PCDHGB7: variants seen among roughly 807,000 people sequenced by gnomAD.
PCDHGB7 encodes protocadherin gamma subfamily B, 7, also known as protocadherin gamma-B7.
PCDHGB7 carries 37 observed loss-of-function variants against 61.4 expected under a neutral mutation model. That is an observed-to-expected ratio of 0.60 (90% CI 0.46 to 0.79). The LOEUF is 0.79. PCDHGB7 is among the 30% of genes least tolerant of loss of function. PCDHGB7 has a pLI of 0.00. For synonymous variants in PCDHGB7, 464 were observed against 503.5 expected, an observed-to-expected ratio of 0.92 and a Z score of 1.05; for missense variants, 1,166 against 1,202.5, an observed-to-expected ratio of 0.97 and a Z score of 0.45.
intron 1 of PCDHGB7, chr5:141,430,966 A>G: frequency 1.2e-6 from 2 of 1,612,916 alleles, no homozygotes. Context: ...TCATCCCCAG[A>G]GGTAGGACGC....
intron 1 of PCDHGB7, among the ~76,000 whole-genome samples, chr5:141,468,747 T>A (rs2099176715): frequency 6.6e-6 from 1 of 151,990 alleles, no homozygotes; most frequent in South Asian, 2.1e-4. Context: ...GTGCCTGTAG[T>A]CCCAGCTACT....
At chr5:141,429,385 T>A (rs1274446916) in intron 1 of PCDHGB7, among the ~76,000 whole-genome samples, 1 of 151,844 alleles carries the variant, frequency 6.6e-6, no homozygotes, top group Non-Finnish European at 1.5e-5. Flanking sequence ...GTGTTTTTTT[T>A]TTAAAAAAAA....
At chr5:141,495,558 A>G (rs2099762084) in intron 2 of PCDHGB7, among the ~76,000 whole-genome samples, 1 of 151,662 alleles carries the variant, frequency 6.6e-6, no homozygotes, top group Admixed American at 6.6e-5. Flanking sequence ...TCGCTTTGCA[A>G]TCTCTGCCTC....
rs1011731430 is a variant in PCDHGB7, at chr5:141,489,676, G to A, written c.2416-5131G>A. 6.2e-7 allele frequency: 1 copy of A among 1,614,158 alleles called. No individual in the cohort carries two copies. The highest frequency in any genetic ancestry group is 8.5e-7 in the Non-Finnish European group (1 of 1,180,008). On this transcript the variant is annotated intron_variant, in intron 1 of 3. Coordinates refer to ENST00000398594, the MANE Select transcript of PCDHGB7 (RefSeq NM_018927.4). This position sits in a 1 kb window ranked among gnomAD's most constrained non-coding sequence, Gnocchi z 4.5. ...GCGAGAGATGCGCATCTCAGAATCAGCAGCATCTGGGGCACGATTCCCACT... is the reference window on the plus strand; with the variant it reads ...GCGAGAGATGCGCATCTCAGAATCAACAGCATCTGGGGCACGATTCCCACT...
At position 141,427,886 on chromosome 5, in the gene PCDHGB7, C is replaced by T. The variant is rs908553179; in HGVS notation, c.2415+7612C>T. The T allele has an allele frequency of 1.9e-6, 3 of 1,565,276 alleles. 1 individual carries two copies. On this transcript the variant is annotated intron_variant, in intron 1 of 3. Coordinates refer to ENST00000398594, the MANE Select transcript of PCDHGB7 (RefSeq NM_018927.4). ...TCGAGCTCACGATGCAGGCCCACGA[C>T]CAGGGCTCGCCCGCGCTCAGCGCCA...
chr5:141,427,865 G>A, intron 1 of PCDHGB7: 1 of 1,558,148 alleles, frequency 6.4e-7, no homozygotes. Flanking sequence ...GCGCCTTCGA[G>A]CTCACGATGC....
In PCDHGB7 at chr5:141,491,759, G is replaced by C. The variant is rs746395685; in HGVS notation, c.2416-3048G>C. 3 of 1,575,392 alleles carry C rather than the reference G, an allele frequency of 1.9e-6. No individual in the cohort carries two copies. Among genetic ancestry groups the C allele is most frequent in the Non-Finnish European group, 2.6e-6 (3 of 1,161,808 alleles). ...GGGGGCGGCACTGGAGAAGCCGCCC[G>C]TCCTCATAAGGGATTGAACTTGCAT... On this transcript the variant is annotated intron_variant, in intron 1 of 3. Coordinates refer to ENST00000398594, the MANE Select transcript of PCDHGB7 (RefSeq NM_018927.4). The surrounding 1 kb of genome is among the most constrained non-coding windows in gnomAD (Gnocchi z 6.9).
rs1319967892 is a variant in PCDHGB7, at chr5:141,417,941, A to T, written c.82A>T (p.Thr28Ser). Residue 28 changes from threonine (T) to serine (S), a missense_variant, in exon 1 of 4, where the codon ACG (threonine) becomes TCG (serine). Thr to Ser is a moderately conservative substitution (Grantham distance 58). Coordinates refer to ENST00000398594, the MANE Select transcript of PCDHGB7 (RefSeq NM_018927.4). The part of the protein sequence containing the change: ...FPLLLPLFYP[T>S]LCEPIRYSIP... ...TTTGCTGCTGCCTTTGTTCTACCCC[A>T]CGCTGTGTGAGCCGATCCGCTACTC... is the stretch of plus-strand genomic sequence containing the variant. 1 of 1,612,890 alleles carries T rather than the reference A, an allele frequency of 6.2e-7. No individual in the cohort carries two copies. Among genetic ancestry groups the T allele is most frequent in the South Asian group, 1.1e-5 (1 of 90,980 alleles).
At chr5:141,426,033 C>G (rs978171140) in intron 1 of PCDHGB7, among the ~76,000 whole-genome samples, 14 of 152,162 alleles carry the variant, frequency 9.2e-5, no homozygotes, top group African/African-American at 3.1e-4. Context: ...AGACTCAGAG[C>G]CCTGCTGTTG....
In PCDHGB7 at chr5:141,490,751, C is replaced by T. The variant is rs2099703884; in HGVS notation, c.2416-4056C>T. 6.2e-6 allele frequency: 10 copies of T among 1,614,092 alleles called. No individual in the cohort carries two copies. The highest frequency in any genetic ancestry group is 1.7e-5 in the Admixed American group (1 of 60,012). ...AATCAGGTTCAGGGAGCCCCAGCCT[C>T]CTCCTTTGTGTATGTCAACCCAGAG... On this transcript the variant is annotated intron_variant, in intron 1 of 3. Coordinates refer to ENST00000398594, the MANE Select transcript of PCDHGB7 (RefSeq NM_018927.4). This position sits in a 1 kb window ranked among gnomAD's most constrained non-coding sequence, Gnocchi z 5.4.
chr5:141,451,813 G>A (rs921877961), intron 1 of PCDHGB7, among the ~76,000 whole-genome samples: 13 of 150,788 alleles, frequency 8.6e-5, no homozygotes, highest in East Asian at 2.0e-4. Context: ...CCCAGGAGGC[G>A]GAGGTTACAG....
At chr5:141,420,501 A>T in intron 1 of PCDHGB7, 1 of 469,392 alleles carries the variant, frequency 2.1e-6, no homozygotes, top group East Asian at 4.1e-5. Context: ...CTCCGGTGAC[A>T]TTTTTATGAA....
At chr5:141,444,659 C>G (rs2098443878) in intron 1 of PCDHGB7, among the ~76,000 whole-genome samples, 1 of 152,032 alleles carries the variant, frequency 6.6e-6, no homozygotes, top group African/African-American at 2.4e-5. Context: ...GAAGTTATTT[C>G]CCATTTTTTT....
intron 1 of PCDHGB7, among the ~76,000 whole-genome samples, chr5:141,449,607 A>G (rs1279835785): frequency 1.3e-5 from 2 of 149,984 alleles, no homozygotes; most frequent in African/African-American, 4.9e-5. Flanking sequence ...AAAAAAAAAA[A>G]GTAAAAAAGT....
chr5:141,484,219 C>T (rs766309865), intron 1 of PCDHGB7, among the ~76,000 whole-genome samples: 1 of 152,162 alleles, frequency 6.6e-6, no homozygotes, highest in Non-Finnish European at 1.5e-5. Context: ...TAGCATTCTG[C>T]CAGGTAAAGA....
intron 1 of PCDHGB7, among the ~76,000 whole-genome samples, chr5:141,462,448 G>A (rs1435453503): frequency 6.6e-6 from 1 of 152,022 alleles, no homozygotes; most frequent in Non-Finnish European, 1.5e-5. Context: ...ACACAACTGT[G>A]TAACTGAAAA....
At chr5:141,469,191 G>A (rs1431459571) in intron 1 of PCDHGB7, among the ~76,000 whole-genome samples, 1 of 151,882 alleles carries the variant, frequency 6.6e-6, no homozygotes, top group Admixed American at 6.6e-5. Flanking sequence ...CAAGAGGATT[G>A]CTTGAGCCTT....
At chr5:141,429,169 T>TACATACACACACACACAC (rs369570830) in intron 1 of PCDHGB7, 115 of 145,474 alleles carry the variant, frequency 7.9e-4, no homozygotes, top group African/African-American at 2.1e-3. Flanking sequence ...ACATTGTTTA[T>TACATACACACACACACAC]ACACACACAC....
In PCDHGB7 at chr5:141,418,454, A is replaced by G. The variant is rs1211470387; in HGVS notation, c.595A>G (p.Thr199Ala). ...GKYPELVLQK[T>A]LDRETQSAHH... Reference sequence around the variant, plus strand: ...ATATCCAGAATTAGTATTGCAGAAGACTCTGGACCGAGAAACGCAGAGCGC... The same window carrying G: ...ATATCCAGAATTAGTATTGCAGAAGGCTCTGGACCGAGAAACGCAGAGCGC... The change falls in exon 1 of 4, where the codon ACT becomes GCT. Residue 199 changes from threonine to alanine, a missense_variant. Physicochemically the swap from Thr to Ala is moderately conservative, Grantham distance 58. Coordinates refer to ENST00000398594, the MANE Select transcript of PCDHGB7 (RefSeq NM_018927.4). 5 of 1,613,774 alleles carry G rather than the reference A, an allele frequency of 3.1e-6. No individual in the cohort carries two copies. The highest frequency in any genetic ancestry group is 3.4e-6 in the Non-Finnish European group (4 of 1,179,866).
Sources: gnomAD v4.1 joint callset for allele counts (sites outside exome capture counted in the v4.1 genomes callset) on GRCh38, gnomAD v4.1.1 for gene constraint, Gnocchi (gnomAD v3.1) non-coding constraint, MANE v1.5 for transcripts, NCBI Gene and HGNC (gene_info 2026-07-23, HGNC 2026-07-21) for gene names.